NDST4: variants seen among roughly 807,000 people sequenced by gnomAD.
The protein encoded by NDST4 is N-heparan sulfate sulfotransferase 4.
In NDST4, 63 loss-of-function variants were observed where a neutral mutation model predicts 100.8. That is an observed-to-expected ratio of 0.62 (90% CI 0.51 to 0.77). The LOEUF is 0.77. Ranked by LOEUF, NDST4 falls within the 30% of genes least tolerant of loss-of-function variation. The pLI is 0.00. For missense variants in NDST4, 943 were observed against 1,018.4 expected (o/e 0.93, Z 1.01); for synonymous variants, 377 against 361.8 (o/e 1.04, Z -0.48).
At chr4:114,986,832 A>ATATATTTTTTTTTTT in intron 2 of NDST4, among the ~76,000 whole-genome samples, 2 of 94,664 alleles carry the variant, frequency 2.1e-5, no homozygotes, top group African/African-American at 3.7e-5. Flanking sequence ...ATATATATAT[A>ATATATTTTTTTTTTT]TTTTAATATA....
chr4:114,966,411 G>T lies in NDST4; in HGVS notation c.1221+4019C>A, dbSNP rs573025477. Among the ~76,000 whole-genome samples, 339 of 150,860 alleles carry T rather than the reference G, an allele frequency of 2.2e-3. 3 individuals carry two copies. The highest frequency in any genetic ancestry group is 7.5e-3 in the African/African-American group (311 of 41,420). ...CATGATTTTTAAACATATTACAAGA[G>T]AAAACAAACTCCATCCGGAAACATT... On this transcript the variant is annotated intron_variant, in intron 4 of 13. Transcript: ENST00000264363.
intron 8 of NDST4, among the ~76,000 whole-genome samples, chr4:114,849,197 T>C (rs1723621176): frequency 6.6e-6 from 1 of 152,154 alleles, no homozygotes; most frequent in African/African-American, 2.4e-5. Flanking sequence ...AAATGTAATC[T>C]CTGAACCTTA....
In NDST4 at chr4:114,870,769, T is replaced by C; in HGVS notation, c.1718A>G (p.Gln573Arg). 6.3e-7 allele frequency: 1 copy of C among 1,595,070 alleles called. No homozygotes were observed. The change falls in exon 7 of 14, where the codon CAG (glutamine) becomes CGG (arginine). Residue 573 changes from glutamine to arginine, a missense_variant and splice_region_variant. This residue lies in a region of NDST4 where 526 missense variants were observed against 634.1 expected (regional missense o/e 0.83). Transcript: ENST00000264363. ...LFPEQKDPLW[Q>R]NPCDDKRHKD... ...CCAAGAGAGAATGTTAAATGTTACC[T>C]GCCATAGAGGGTCTTTCTGCTCAGG...
At chr4:115,047,095 T>C (rs1396968982) in intron 2 of NDST4, among the ~76,000 whole-genome samples, 1 of 152,030 alleles carries the variant, frequency 6.6e-6, no homozygotes, top group Non-Finnish European at 1.5e-5. Context: ...GGAAAAAAAA[T>C]ACGATTTTGT....
In NDST4 at chr4:114,839,412, A is replaced by G. The variant is rs756509118; in HGVS notation, c.2252T>C (p.Ile751Thr). Residue 751 changes from isoleucine (I) to threonine (T), a missense_variant, in exon 11 of 14, where the codon ATA becomes ACA. By Grantham distance (89) the Ile-to-Thr change is moderately conservative (BLOSUM62 -1). Around this residue, in one of 2 missense-constraint regions of NDST4, gnomAD observed 526 missense variants for 634.1 expected, o/e 0.83. Coordinates refer to ENST00000264363, the MANE Select transcript of NDST4 (RefSeq NM_022569.3). ...AGCAAAGTAAGTTAGCCATCTTTCT[A>G]TGTGGACTGCATACCATCCAGGTAC... is the stretch of plus-strand genomic sequence containing the variant. ...CLVPGWYAVH[I>T]ERWLTYFATS... 6.2e-7 allele frequency: 1 copy of G among 1,613,170 alleles called. No homozygotes were observed. Among genetic ancestry groups the G allele is most frequent in the South Asian group, 1.1e-5 (1 of 90,946 alleles).
At chr4:114,938,779 C>T (rs1045142625) in intron 4 of NDST4, among the ~76,000 whole-genome samples, 8 of 152,192 alleles carry the variant, frequency 5.3e-5, no homozygotes, top group Admixed American at 3.9e-4. Context: ...ATCATTCTGC[C>T]TTTCATGTAA....
intron 2 of NDST4, among the ~76,000 whole-genome samples, chr4:115,054,730 TG>T (rs1728657165): frequency 6.6e-6 from 1 of 152,180 alleles, no homozygotes; most frequent in African/African-American, 2.4e-5. Flanking sequence ...ATGAGTTTAT[TG>T]TATAGACCTG....
Position 115,022,522 on chromosome 4 carries a change from A to ATG in NDST4, c.979-45250_979-45249dup, listed in dbSNP as rs1727880992. On this transcript the variant is annotated intron_variant, in intron 2 of 13. Coordinates refer to ENST00000264363, the MANE Select transcript of NDST4 (RefSeq NM_022569.3). The stretch of plus-strand genomic sequence containing the variant: ...ATATATATGTTCCATATATATATAT[A>ATG]TGTGATGGAATACTTCTCAGACGTA... Among the ~76,000 whole-genome samples, 3 of 93,064 alleles carry ATG rather than the reference A, an allele frequency of 3.2e-5. No individual in the cohort carries two copies. The South Asian group carries it at 8.9e-4, about 28-fold the overall frequency. 61.1% of individuals were successfully genotyped at this position (93,064 alleles called of 152,430 possible). A position where few individuals can be genotyped will look rare whatever the true frequency, so the allele number is the denominator to read the frequency against.
chr4:114,844,335 G>C (rs917875447), intron 10 of NDST4, among the ~76,000 whole-genome samples: 6 of 152,180 alleles, frequency 3.9e-5, no homozygotes, highest in African/African-American at 1.4e-4. Flanking sequence ...AAGGCTTTCA[G>C]TTGCTCAACA....
chr4:115,076,119 C>T lies in NDST4; in HGVS notation c.918G>A (p.Val306=). The change falls in exon 2 of 14, where the codon GTG becomes GTA. Residue 306 remains valine, a synonymous_variant. Coordinates refer to ENST00000264363, the MANE Select transcript of NDST4 (RefSeq NM_022569.3). ...LTLSLDRYIL[V]DIDDIFVGKE... is the part of the protein sequence containing the mutation. The stretch of plus-strand genomic sequence containing the variant: ...TCCCAACAAATATATCATCAATGTC[C>T]ACAAGGATGTACCTGTCCAAGGACA... 1 of 1,613,752 alleles carries T rather than the reference C, an allele frequency of 6.2e-7. No individual in the cohort carries two copies. Among genetic ancestry groups the T allele is most frequent in the African/African-American group, 1.3e-5 (1 of 74,988 alleles).
At chr4:114,916,077 A>G (rs952098973) in intron 6 of NDST4, among the ~76,000 whole-genome samples, 2 of 152,164 alleles carry the variant, frequency 1.3e-5, no homozygotes, top group African/African-American at 4.8e-5. Context: ...ATTTGTGAGT[A>G]ATGGACTATC....
intron 6 of NDST4, among the ~76,000 whole-genome samples, chr4:114,920,191 G>A (rs1032034677): frequency 1.3e-5 from 2 of 152,094 alleles, no homozygotes; most frequent in Non-Finnish European, 2.9e-5. Flanking sequence ...TTGGGTAAAA[G>A]CTGCATCAAA....
chr4:114,928,667 C>T (rs1359343048), intron 6 of NDST4, among the ~76,000 whole-genome samples: 1 of 152,030 alleles, frequency 6.6e-6, no homozygotes, highest in African/African-American at 2.4e-5. Flanking sequence ...TTTAATCAGT[C>T]CAGTGCACAA....
intron 10 of NDST4, 34 bp from the exon 11 acceptor site, chr4:114,839,582 T>G: frequency 1.2e-6 from 2 of 1,606,354 alleles, no homozygotes; most frequent in Non-Finnish European, 1.7e-6. Context: ...AAGTTAGATT[T>G]TTTTTAATGC....
At chr4:114,952,761 T>G (rs955313131) in intron 4 of NDST4, among the ~76,000 whole-genome samples, 5 of 152,114 alleles carry the variant, frequency 3.3e-5, no homozygotes, top group Non-Finnish European at 7.4e-5. Flanking sequence ...CTATTGCCAA[T>G]GGGTACCTAA....
At chr4:114,900,308 T>C (rs2126209866) in intron 6 of NDST4, among the ~76,000 whole-genome samples, 2 of 152,258 alleles carry the variant, frequency 1.3e-5, no homozygotes, top group Middle Eastern at 3.4e-3. Context: ...CTCTACTGAT[T>C]TTCGGTTTAC....
At chr4:115,060,625 G>A (rs934237908) in intron 2 of NDST4, among the ~76,000 whole-genome samples, 2 of 151,724 alleles carry the variant, frequency 1.3e-5, no homozygotes, top group African/African-American at 4.8e-5. Context: ...TAATTGTGAT[G>A]GTCCACCTTA....
chr4:115,052,155 C>T (rs1315834410), intron 2 of NDST4, among the ~76,000 whole-genome samples: 2 of 151,836 alleles, frequency 1.3e-5, no homozygotes, highest in East Asian at 1.9e-4. Flanking sequence ...TTGAGCTTCC[C>T]GAATATTGAT....
intron 2 of NDST4, among the ~76,000 whole-genome samples, chr4:115,031,976 A>ATT (rs1212630792): frequency 2.0e-5 from 3 of 152,000 alleles, no homozygotes; most frequent in Non-Finnish European, 4.4e-5. Flanking sequence ...TCAGAAACAT[A>ATT]TTTTTTCCTA....
Sources: allele counts gnomAD v4.1 joint callset (sites outside exome capture counted in the v4.1 genomes callset), GRCh38; gene constraint gnomAD v4.1.1; regional missense constraint gnomAD v4.1.1; transcripts MANE v1.5; gene names NCBI Gene and HGNC (gene_info 2026-07-23, HGNC 2026-07-21).